SLC22A9: variants seen among roughly 807,000 people sequenced by gnomAD.
The protein encoded by SLC22A9 is organic anion transporter 7.
SLC22A9 carries 64 observed loss-of-function variants against 50.1 expected under a neutral mutation model. That is an observed-to-expected ratio of 1.28 (90% confidence interval 1.04 to 1.57). The LOEUF is 1.57. Among genes scored for constraint, SLC22A9 ranks in the 40% most tolerant of loss-of-function variants. SLC22A9 has a pLI of 0.00. For missense variants in SLC22A9, 757 were observed against 676.1 expected (o/e 1.12, Z -1.33); for synonymous variants, 261 against 242.5 (o/e 1.08, Z -0.71).
rs751448254 is a variant in SLC22A9, at chr11:63,374,025, G to T, written c.793G>T (p.Val265Leu). The T allele has an allele frequency of 1.4e-5, 23 of 1,613,352 alleles. No individual in the cohort carries two copies. Among genetic ancestry groups the T allele is most frequent in the Admixed American group, 3.3e-5 (2 of 59,836 alleles). The stretch of plus-strand genomic sequence containing the variant: ...AGACTGGCATATCCTCCAGCTGGTG[G>T]TGTCTGTACCATACTTTGTGATCTT... ...IRDWHILQLV[V>L]SVPYFVIFLT... Residue 265 changes from valine to leucine, a missense_variant, in exon 4 of 10, where the codon GTG becomes TTG. Physicochemically the swap from Val to Leu is conservative, Grantham distance 32. Transcript: ENST00000279178.
At position 63,392,515 on chromosome 11, in the gene SLC22A9, T is replaced by C. The variant is rs191362642; in HGVS notation, c.1073+10238T>C. On this transcript the variant is annotated intron_variant, in intron 6 of 9. Transcript: ENST00000279178. ...TACTCTGGGATAAAAGGTTTTTTTT[T>C]CCCCCTTCAGCTCTTAAAATATATC... 1.0e-3 allele frequency among the ~76,000 whole-genome samples: 154 copies of C among 152,104 alleles called. 2 individuals carry two copies. The highest frequency in any genetic ancestry group is 1.9e-4 in the East Asian group (1 of 5,182).
chr11:63,404,055 T>C (rs537952243), intron 6 of SLC22A9, among the ~76,000 whole-genome samples: 2 of 152,274 alleles, frequency 1.3e-5, no homozygotes, highest in African/African-American at 4.8e-5. Context: ...CATATGTTCA[T>C]TGCAGCATTA....
At chr11:63,400,200 T>C (rs552038443) in intron 6 of SLC22A9, among the ~76,000 whole-genome samples, 1 of 151,698 alleles carries the variant, frequency 6.6e-6, no homozygotes, top group Admixed American at 6.6e-5. Flanking sequence ...ATAAACGAAA[T>C]TGATACAAAA....
chr11:63,372,964 C>T (rs1485989392), intron 2 of SLC22A9, among the ~76,000 whole-genome samples: 3 of 152,066 alleles, frequency 2.0e-5, no homozygotes, highest in Non-Finnish European at 4.4e-5. Context: ...TCCTTTTAAT[C>T]TCTTTCTAGC....
intron 7 of SLC22A9, among the ~76,000 whole-genome samples, 179 bp from the exon 8 acceptor site, chr11:63,407,933 G>A (rs945778196): frequency 1.3e-5 from 2 of 152,194 alleles, no homozygotes; most frequent in Non-Finnish European, 1.5e-5. Context: ...GCCACAAGGC[G>A]AAGACAAATC....
chr11:63,408,214 T>C lies in SLC22A9; in HGVS notation c.1391T>C (p.Ile464Thr). The C allele has an allele frequency of 2.5e-6, 4 of 1,613,134 alleles. No homozygotes were observed. Among genetic ancestry groups the C allele is most frequent in the Non-Finnish European group, 8.5e-7 (1 of 1,179,232 alleles). The change falls in exon 8 of 10, where the codon ATA becomes ACA. Residue 464 changes from isoleucine (I) to threonine (T), a missense_variant. Transcript: ENST00000279178. ...FAHGNEVIPT[I>T]IRARAMGINA... ...CATGGAAATGAAGTAATTCCCACCA[T>C]AATCAGGTACAGAACCTTAAGTATG...
At chr11:63,382,350 A>G in intron 6 of SLC22A9, 73 bp downstream of exon 6, 1 of 1,070,904 alleles carries the variant, frequency 9.3e-7, no homozygotes, top group East Asian at 2.5e-5. Flanking sequence ...TTCAAGTAGT[A>G]CAGCATGTTT....
intron 2 of SLC22A9, among the ~76,000 whole-genome samples, chr11:63,371,533 T>C (rs561713260): frequency 2.0e-5 from 3 of 152,070 alleles, no homozygotes; most frequent in Non-Finnish European, 4.4e-5. Context: ...ACTAAGGGAA[T>C]AGAAAGGAAG....
In SLC22A9 at chr11:63,370,391, A is replaced by T. The variant is rs778275343; in HGVS notation, c.335A>T (p.Asp112Val). 1.2e-6 allele frequency: 2 copies of T among 1,613,558 alleles called. No homozygotes were observed. Among genetic ancestry groups the T allele is most frequent in the Admixed American group, 3.3e-5 (2 of 59,970 alleles). The change falls in exon 1 of 10, where the codon GAC becomes GTC. Residue 112 changes from aspartate (D) to valine (V), a missense_variant. Coordinates refer to ENST00000279178, the MANE Select transcript of SLC22A9 (RefSeq NM_080866.3). ...NGTFPNTSDA[D>V]MEPCVDGWVY... Reference sequence around the variant, plus strand: ...ACCTTCCCCAACACAAGTGACGCAGACATGGAGCCCTGTGTGGATGGCTGG... The same window carrying T: ...ACCTTCCCCAACACAAGTGACGCAGTCATGGAGCCCTGTGTGGATGGCTGG...
In SLC22A9 at chr11:63,408,754, G is replaced by A; in HGVS notation, c.1476G>A (p.Val492=). The A allele has an allele frequency of 6.2e-7, 1 of 1,613,974 alleles. No homozygotes were observed. ...ALAPLMMILS[V]YSPPLPWIIY... is the part of the protein sequence containing the mutation. Reference sequence around the variant, plus strand: ...CTCCCCTCATGATGATCCTAAGTGTGTATTCTCCACCCCTGCCCTGGATCA... The same window carrying A: ...CTCCCCTCATGATGATCCTAAGTGTATATTCTCCACCCCTGCCCTGGATCA... Residue 492 remains valine, a synonymous_variant, in exon 9 of 10, where the codon GTG becomes GTA. Transcript: ENST00000279178.
chr11:63,384,634 T>C (rs749557668), intron 6 of SLC22A9, among the ~76,000 whole-genome samples: 53 of 152,208 alleles, frequency 3.5e-4, no homozygotes, highest in Non-Finnish European at 6.9e-4. Flanking sequence ...TAGAATGATG[T>C]ATATTCCTTT....
At chr11:63,384,154 T>C (rs2014619044) in intron 6 of SLC22A9, among the ~76,000 whole-genome samples, 1 of 152,178 alleles carries the variant, frequency 6.6e-6, no homozygotes, top group Non-Finnish European at 1.5e-5. Context: ...ACAATGACTG[T>C]GCTGGGGTGC....
At position 63,382,178 on chromosome 11, in the gene SLC22A9, A is replaced by G. The variant is rs746555594; in HGVS notation, c.974A>G (p.Lys325Arg). ...TTGAAGATTTTGAAATCCACCATGA[A>G]AAAAGAACTGGAGGCAGCACAAAAA... ...LTLEILKSTM[K>R]KELEAAQKKK... Residue 325 changes from lysine (K) to arginine (R), a missense_variant, in exon 6 of 10, where the codon AAA becomes AGA. Coordinates refer to ENST00000279178, the MANE Select transcript of SLC22A9 (RefSeq NM_080866.3). The G allele has an allele frequency of 1.2e-6, 2 of 1,605,148 alleles. No homozygotes were observed. Among genetic ancestry groups the G allele is most frequent in the Non-Finnish European group, 1.7e-6 (2 of 1,177,542 alleles).
At chr11:63,400,228 GT>G (rs1456613038) in intron 6 of SLC22A9, among the ~76,000 whole-genome samples, 1 of 151,870 alleles carries the variant, frequency 6.6e-6, no homozygotes, top group East Asian at 1.9e-4. Context: ...GTCAAAAGTT[GT>G]TTTGTGAAAA....
rs116225871 is a variant in SLC22A9, at chr11:63,390,823, C to T, written c.1073+8546C>T. ...ACAATATTGATTCTTCCTATCCACA[C>T]CTGCTCTAATCTTTATTATTTATTT... On this transcript the variant is annotated intron_variant, in intron 6 of 9. Coordinates refer to ENST00000279178, the MANE Select transcript of SLC22A9 (RefSeq NM_080866.3). 4.0e-3 allele frequency among the ~76,000 whole-genome samples: 607 copies of T among 151,680 alleles called. 5 individuals are homozygous for T. The highest frequency in any genetic ancestry group is 0.013 in the African/African-American group (544 of 41,476).
chr11:63,397,987 C>T lies in SLC22A9; in HGVS notation c.1074-8510C>T, dbSNP rs542301606. 2.0e-5 allele frequency among the ~76,000 whole-genome samples: 3 copies of T among 152,258 alleles called. No homozygotes were observed. In the East Asian group the frequency reaches 5.8e-4, roughly 29 times the overall value. On this transcript the variant is annotated intron_variant, in intron 6 of 9. Transcript: ENST00000279178. ...CTTAATTACCACAGCTGGAAATATG[C>T]CAGGTCCCACCTGAAGCCAGCACAA...
chr11:63,407,837 T>C (rs1720184442), intron 7 of SLC22A9, among the ~76,000 whole-genome samples: 1 of 152,186 alleles, frequency 6.6e-6, no homozygotes, highest in South Asian at 2.1e-4. Context: ...CAGCTCAACT[T>C]ACACGCCTCT....
intron 6 of SLC22A9, among the ~76,000 whole-genome samples, chr11:63,395,136 C>T (rs1251287110): frequency 1.3e-5 from 2 of 151,638 alleles, no homozygotes; most frequent in African/African-American, 4.8e-5. Flanking sequence ...ATATTTCTCC[C>T]TTCACTTCTT....
chr11:63,377,392 TGAA>T (rs1259649433), intron 5 of SLC22A9, among the ~76,000 whole-genome samples: 9 of 151,984 alleles, frequency 5.9e-5, no homozygotes, highest in Non-Finnish European at 1.2e-4. Flanking sequence ...GAGATCAATA[TGAA>T]GAAGATCTCC....
Sources: gnomAD v4.1 joint callset for allele counts (sites outside exome capture counted in the v4.1 genomes callset) on GRCh38, gnomAD v4.1.1 for gene constraint, MANE v1.5 for transcripts, NCBI Gene and HGNC (gene_info 2026-07-23, HGNC 2026-07-21) for gene names.